MECOM: variants seen among roughly 807,000 people sequenced by gnomAD.
MECOM encodes MDS1 and EVI1 complex locus, also known as histone-lysine N-methyltransferase MECOM.
A neutral mutation model predicts 116.3 loss-of-function variants in MECOM; 13 were observed. That is an observed-to-expected ratio of 0.11 (90% CI 0.07 to 0.18). MECOM has a LOEUF of 0.18. Ranked by LOEUF, MECOM falls within the 10% of genes least tolerant of loss-of-function variation. The pLI, the probability that MECOM is intolerant of heterozygous loss-of-function variation, is 1.00. For synonymous variants in MECOM, 528 were observed against 535.2 expected (o/e 0.99, Z 0.19); for missense variants, 1,299 against 1,509.0 (o/e 0.86, Z 2.31).
intron 2 of MECOM, among the ~76,000 whole-genome samples, chr3:169,227,549 GGACAGAGATCTCATGAACA>G (rs1455627332): frequency 6.6e-6 from 1 of 152,008 alleles, no homozygotes; most frequent in Non-Finnish European, 1.5e-5. Context: ...CTGGTTATGG[GGACAGAGATCTCATGAACA>G]GGCTTTGACC....
At position 169,582,152 on chromosome 3, in the gene MECOM, A is replaced by C. The variant is rs115992560; in HGVS notation, c.37+81184T>G. Among the ~76,000 whole-genome samples, 1,411 of 152,252 alleles carry C rather than the reference A, an allele frequency of 9.3e-3. 10 individuals carry two copies. Among genetic ancestry groups the C allele is most frequent in the South Asian group, 0.02 (96 of 4,818 alleles). ...TTGCAGAATGTGTAGGATAATGCAT[A>C]ATACCTTGTTTTTCTTAAGCGTTTC... On this transcript the variant is annotated intron_variant, in intron 1 of 16. Transcript: ENST00000651503.
intron 1 of MECOM, among the ~76,000 whole-genome samples, chr3:169,444,223 C>A (rs556173066): frequency 6.6e-6 from 1 of 152,300 alleles, no homozygotes; most frequent in South Asian, 2.1e-4. Flanking sequence ...AAAGCCTTTA[C>A]CAGATGTGTC....
chr3:169,100,034 A>AT (rs998872039), intron 12 of MECOM, among the ~76,000 whole-genome samples: 11 of 143,650 alleles, frequency 7.7e-5, no homozygotes, highest in African/African-American at 2.8e-4. Flanking sequence ...CTAGTTTCAT[A>AT]TTTTCTTCTC....
chr3:169,132,214 T>G (rs1427228557), intron 3 of MECOM, among the ~76,000 whole-genome samples: 1 of 152,166 alleles, frequency 6.6e-6, no homozygotes, highest in African/African-American at 2.4e-5. Flanking sequence ...CTTATTCCCC[T>G]TGCTTTCTAG....
At chr3:169,358,702 G>A (rs990559427) in intron 2 of MECOM, among the ~76,000 whole-genome samples, 44 of 151,724 alleles carry the variant, frequency 2.9e-4, no homozygotes, top group African/African-American at 3.4e-4. Flanking sequence ...GGGCCTACAC[G>A]AAAATTAACA....
At chr3:169,278,607 A>G (rs552900364) in intron 2 of MECOM, among the ~76,000 whole-genome samples, 1 of 152,368 alleles carries the variant, frequency 6.6e-6, no homozygotes, top group African/African-American at 2.4e-5. Context: ...AGGTTCATCT[A>G]TATAACTACA....
At chr3:169,395,385 T>A (rs1734867403) in intron 1 of MECOM, among the ~76,000 whole-genome samples, 1 of 152,164 alleles carries the variant, frequency 6.6e-6, no homozygotes, top group African/African-American at 2.4e-5. Flanking sequence ...AGTTCTAACA[T>A]AAATGTTCAA....
chr3:169,532,533 C>A (rs1317231552), intron 1 of MECOM, among the ~76,000 whole-genome samples: 1 of 152,160 alleles, frequency 6.6e-6, no homozygotes, highest in African/African-American at 2.4e-5. Context: ...GTCTAAGACC[C>A]CTTATAATTA....
chr3:169,321,677 T>A lies in MECOM; in HGVS notation c.375+59510A>T, dbSNP rs112725098. Among the ~76,000 whole-genome samples, 914 of 151,172 alleles carry A rather than the reference T, an allele frequency of 6.0e-3. 4 individuals are homozygous for A. The highest frequency in any genetic ancestry group is 0.015 in the South Asian group (72 of 4,822). On this transcript the variant is annotated intron_variant, in intron 2 of 16. Transcript: ENST00000651503. ...CAGGGAGATGGAATGTGGACCTATGTGGTTTTGTGGAGGGAGGGTGGGACA... is the reference window on the plus strand; with the variant it reads ...CAGGGAGATGGAATGTGGACCTATGAGGTTTTGTGGAGGGAGGGTGGGACA...
At chr3:169,603,012 C>T (rs1270617406) in intron 1 of MECOM, among the ~76,000 whole-genome samples, 1 of 152,098 alleles carries the variant, frequency 6.6e-6, no homozygotes, top group Admixed American at 6.6e-5. Flanking sequence ...ATTTAACTTA[C>T]AGGGAATATA....
intron 1 of MECOM, among the ~76,000 whole-genome samples, chr3:169,657,527 A>G (rs1775683148): frequency 6.6e-6 from 1 of 152,262 alleles, no homozygotes; most frequent in African/African-American, 2.4e-5. Flanking sequence ...AGAGTCTGGG[A>G]ATTCAAATAT....
At chr3:169,088,405 G>A (rs1718558802) in intron 16 of MECOM, among the ~76,000 whole-genome samples, 1 of 152,076 alleles carries the variant, frequency 6.6e-6, no homozygotes, top group Non-Finnish European at 1.5e-5. Context: ...TAATAAATTT[G>A]AGTACCATTC....
chr3:169,534,702 C>T (rs1009497511), intron 1 of MECOM, among the ~76,000 whole-genome samples: 9 of 152,190 alleles, frequency 5.9e-5, no homozygotes, highest in Admixed American at 5.2e-4. Flanking sequence ...GTCTTAGGTC[C>T]TCTACCAACT....
intron 1 of MECOM, among the ~76,000 whole-genome samples, chr3:169,544,299 A>G (rs12493722): frequency 0.075 from 11,478 of 152,252 alleles, 944 homozygotes; most frequent in African/African-American, 0.21. Context: ...CATCATCATC[A>G]TCATCAAAGT....
At chr3:169,625,349 C>T (rs1192879221) in intron 1 of MECOM, among the ~76,000 whole-genome samples, 1 of 152,022 alleles carries the variant, frequency 6.6e-6, no homozygotes, top group Non-Finnish European at 1.5e-5. Context: ...TATTTAGCTC[C>T]CTCTTCTCAC....
In MECOM at chr3:169,242,339, T is replaced by C. The variant is rs572095458; in HGVS notation, c.376-98507A>G. ...TTTGAACAAGCTTTCTTTTAACACT[T>C]AAATCCAGGGATGATTTAACAGAAA... On this transcript the variant is annotated intron_variant, in intron 2 of 16. Transcript: ENST00000651503. Among the ~76,000 whole-genome samples the C allele has an allele frequency of 8.7e-4, 133 of 152,304 alleles. No homozygotes were observed. The South Asian group carries it at 0.016, about 19-fold the overall frequency.
chr3:169,137,984 A>ATTTTG (rs1736880215), intron 3 of MECOM, among the ~76,000 whole-genome samples: 1 of 152,124 alleles, frequency 6.6e-6, no homozygotes, highest in African/African-American at 2.4e-5. Flanking sequence ...CTGACTGTAT[A>ATTTTG]AAAACTGATG....
At chr3:169,570,299 A>AATCCC (rs1763725168) in intron 1 of MECOM, among the ~76,000 whole-genome samples, 1 of 152,242 alleles carries the variant, frequency 6.6e-6, no homozygotes, top group African/African-American at 2.4e-5. Context: ...GGAGAAGTCA[A>AATCCC]ATCCCTGAAT....
At chr3:169,209,768 A>T (rs1380732905) in intron 2 of MECOM, among the ~76,000 whole-genome samples, 1 of 152,210 alleles carries the variant, frequency 6.6e-6, no homozygotes, top group East Asian at 1.9e-4. Flanking sequence ...AATGTAAATT[A>T]GTGTAATCAT....
Sources: allele counts gnomAD v4.1 joint callset (sites outside exome capture counted in the v4.1 genomes callset), GRCh38; gene constraint gnomAD v4.1.1; transcripts MANE v1.5; gene names NCBI Gene and HGNC (gene_info 2026-07-23, HGNC 2026-07-21).